Variants in NEGR1 observed in about 807,000 individuals in gnomAD.
NEGR1 encodes the protein IgLON family member 4.
A neutral mutation model predicts 40.9 loss-of-function variants in NEGR1; 10 were observed. That is an observed-to-expected ratio of 0.24 (90% CI 0.15 to 0.42). NEGR1 has a LOEUF of 0.42. NEGR1 is among the 10% of genes least tolerant of loss of function. The pLI is 1.00. For synonymous variants in NEGR1, 185 were observed against 166.8 expected (o/e 1.11, Z -0.84); for missense variants, 352 against 438.9 (o/e 0.80, Z 1.77).
intron 1 of NEGR1, among the ~76,000 whole-genome samples, chr1:71,967,143 CA>C (rs1170772490): frequency 6.6e-6 from 1 of 151,900 alleles, no homozygotes; most frequent in African/African-American, 2.4e-5. Flanking sequence ...TAGATTCTGA[CA>C]AAAACATGAG....
chr1:72,230,955 G>A (rs1373327914), intron 1 of NEGR1, among the ~76,000 whole-genome samples: 2 of 152,088 alleles, frequency 1.3e-5, no homozygotes, highest in Non-Finnish European at 1.5e-5. Flanking sequence ...ACAATCATCA[G>A]TATTTCTAAA....
intron 1 of NEGR1, among the ~76,000 whole-genome samples, chr1:72,226,094 T>G (rs1654182458): frequency 6.6e-6 from 1 of 151,842 alleles, no homozygotes; most frequent in African/African-American, 2.4e-5. Flanking sequence ...GGAAGTGAAA[T>G]AATAACATTA....
intron 3 of NEGR1, among the ~76,000 whole-genome samples, chr1:71,709,321 C>CT (rs958373780): frequency 6.6e-6 from 1 of 152,118 alleles, no homozygotes; most frequent in African/African-American, 2.4e-5. Flanking sequence ...TGCTTTTTAA[C>CT]TTTTTAATAA....
chr1:71,981,700 G>A (rs1646355566), intron 1 of NEGR1, among the ~76,000 whole-genome samples: 1 of 152,014 alleles, frequency 6.6e-6, no homozygotes, highest in African/African-American at 2.4e-5. Flanking sequence ...ATGGATTCAA[G>A]GTTTTGAATC....
intron 6 of NEGR1, among the ~76,000 whole-genome samples, chr1:71,590,942 G>T (rs1649478122): frequency 1.3e-5 from 2 of 151,966 alleles, no homozygotes; most frequent in African/African-American, 4.8e-5. Flanking sequence ...TTGGTGATAT[G>T]GGAAATAAAA....
intron 6 of NEGR1, chr1:71,476,798 T>A (rs996516357): frequency 6.6e-6 from 1 of 152,134 alleles, no homozygotes; most frequent in African/African-American, 2.4e-5. Context: ...GGAAGCTCCA[T>A]GTTTGCAACT....
At chr1:72,183,015 T>TA (rs1463908118) in intron 1 of NEGR1, among the ~76,000 whole-genome samples, 1 of 151,808 alleles carries the variant, frequency 6.6e-6, no homozygotes, top group East Asian at 1.9e-4. Flanking sequence ...AAACTAAGAC[T>TA]AAAATCTAGA....
intron 6 of NEGR1, among the ~76,000 whole-genome samples, chr1:71,568,834 G>GTGTGTGTT (rs1181254328): frequency 2.7e-5 from 4 of 145,908 alleles, no homozygotes; most frequent in African/African-American, 1.1e-4. Flanking sequence ...GTATACGTGT[G>GTGTGTGTT]TGTGTGTGTG....
intron 1 of NEGR1, among the ~76,000 whole-genome samples, chr1:72,142,831 A>C (rs1650739539): frequency 6.6e-6 from 1 of 151,776 alleles, no homozygotes; most frequent in Non-Finnish European, 1.5e-5. Flanking sequence ...GATGATCCCT[A>C]GAAAGAAAGA....
chr1:72,239,312 A>G (rs1654660062), intron 1 of NEGR1, among the ~76,000 whole-genome samples: 1 of 151,830 alleles, frequency 6.6e-6, no homozygotes, highest in Admixed American at 6.6e-5. Context: ...TCAGGAAAAC[A>G]AGACATAATC....
chr1:71,607,855 G>A (rs1188699463), intron 5 of NEGR1, among the ~76,000 whole-genome samples: 2 of 152,090 alleles, frequency 1.3e-5, no homozygotes, highest in East Asian at 1.9e-4. Flanking sequence ...CACCATGCCC[G>A]GCTAATTTTT....
chr1:71,614,279 T>C (rs865983014), intron 4 of NEGR1, among the ~76,000 whole-genome samples: 2 of 151,998 alleles, frequency 1.3e-5, no homozygotes, highest in East Asian at 1.9e-4. Flanking sequence ...AAATCATATA[T>C]GTATAACTTT....
At chr1:71,718,341 A>C (rs1049574079) in intron 3 of NEGR1, among the ~76,000 whole-genome samples, 6 of 152,056 alleles carry the variant, frequency 3.9e-5, no homozygotes, top group African/African-American at 1.4e-4. Context: ...GCTTGCTCCT[A>C]CTGTTGACTG....
chr1:71,905,864 C>A (rs75040873), intron 2 of NEGR1, among the ~76,000 whole-genome samples: 3,459 of 103,294 alleles, frequency 0.033, no homozygotes, highest in African/African-American at 0.045. Flanking sequence ...GAGGTTGTTA[C>A]AAAAAAAAAA....
At chr1:72,123,329 T>A (rs1649876142) in intron 1 of NEGR1, among the ~76,000 whole-genome samples, 1 of 151,782 alleles carries the variant, frequency 6.6e-6, no homozygotes, top group Non-Finnish European at 1.5e-5. Flanking sequence ...TTCATGCAAC[T>A]GTATATAACA....
intron 2 of NEGR1, among the ~76,000 whole-genome samples, chr1:71,813,885 C>G (rs1285317132): frequency 1.3e-5 from 2 of 152,038 alleles, no homozygotes; most frequent in East Asian, 1.9e-4. Context: ...AAACAGAGAC[C>G]ATTTGACTTC....
At chr1:71,863,584 C>T (rs1288749770) in intron 2 of NEGR1, among the ~76,000 whole-genome samples, 2 of 152,064 alleles carry the variant, frequency 1.3e-5, no homozygotes, top group Non-Finnish European at 1.5e-5. Context: ...ATCCTGAACA[C>T]GTACCCTGGA....
intron 1 of NEGR1, among the ~76,000 whole-genome samples, chr1:72,078,791 C>G (rs1295354204): frequency 4.6e-5 from 7 of 150,982 alleles, no homozygotes; most frequent in African/African-American, 1.5e-4. Context: ...AGGTGCCCAC[C>G]ACCCTTCCCA....
chr1:72,052,537 G>A (rs1453773587), intron 1 of NEGR1, among the ~76,000 whole-genome samples: 1 of 151,342 alleles, frequency 6.6e-6, no homozygotes. Context: ...ATCAAAAACA[G>A]GACAACTTCA....
Sources: allele counts gnomAD v4.1 joint callset (sites outside exome capture counted in the v4.1 genomes callset), GRCh38; gene constraint gnomAD v4.1.1; transcripts MANE v1.5; gene names NCBI Gene and HGNC (gene_info 2026-07-23, HGNC 2026-07-21).